The following C12orf42 variants were observed in gnomAD, a reference collection of about 807,000 sequenced individuals.
C12orf42 encodes uncharacterized protein C12orf42.
C12orf42 carries 25 observed loss-of-function variants against 21.6 expected under a neutral mutation model. The observed-to-expected ratio is 1.16, with a 90% confidence interval of 0.84 to 1.62. The LOEUF is 1.62. C12orf42 is among the 40% of genes most tolerant of loss of function. C12orf42 has a pLI of 0.00. For synonymous variants in C12orf42, 174 were observed against 175.0 expected, an observed-to-expected ratio of 0.99 and a Z score of 0.05; for missense variants, 483 against 459.3, an observed-to-expected ratio of 1.05 and a Z score of -0.47.
At chr12:103,378,314 T>G (rs2045882550) in intron 3 of C12orf42, among the ~76,000 whole-genome samples, 2 of 152,184 alleles carry the variant, frequency 1.3e-5, no homozygotes, top group African/African-American at 4.8e-5. Context: ...TTTGGATGAT[T>G]TTTTTTGTCC....
At chr12:103,440,641 C>A (rs944338688) in intron 2 of C12orf42, among the ~76,000 whole-genome samples, 2 of 151,768 alleles carry the variant, frequency 1.3e-5, no homozygotes, top group Non-Finnish European at 2.9e-5. Flanking sequence ...GCTTTTAGAC[C>A]CATTTTGCAG....
intron 1 of C12orf42, among the ~76,000 whole-genome samples, chr12:103,486,359 G>A (rs1445624294): frequency 2.6e-5 from 4 of 152,156 alleles, no homozygotes; most frequent in African/African-American, 9.7e-5. Context: ...TCGGTGTGCT[G>A]CTGGATTCGG....
the C12orf42 span, among the ~76,000 whole-genome samples, chr12:103,218,868 GC>G: frequency 6.6e-6 from 1 of 152,176 alleles, no homozygotes; most frequent in Non-Finnish European, 1.5e-5. Context: ...CTTATTAACT[GC>G]CATTTTACAT....
intron 2 of C12orf42, among the ~76,000 whole-genome samples, chr12:103,438,478 C>T (rs978657615): frequency 4.4e-4 from 67 of 152,096 alleles, no homozygotes; most frequent in Non-Finnish European, 7.8e-4. Context: ...TCCCTGTTTG[C>T]AGATGACATG....
the C12orf42 span, among the ~76,000 whole-genome samples, chr12:103,128,391 G>T: frequency 6.6e-6 from 1 of 152,212 alleles, no homozygotes; most frequent in Non-Finnish European, 1.5e-5. Context: ...TATGGGGGGA[G>T]GGGGAGCAAT....
chr12:103,226,929 T>C, the C12orf42 span, among the ~76,000 whole-genome samples: 12 of 152,300 alleles, frequency 7.9e-5, 1 homozygote, highest in East Asian at 2.3e-3. Context: ...CCTCAGACCA[T>C]TTGCCTATTT....
At chr12:103,328,139 G>A (rs1221525086) in intron 4 of C12orf42, among the ~76,000 whole-genome samples, 1 of 152,108 alleles carries the variant, frequency 6.6e-6, no homozygotes, top group African/African-American at 2.4e-5. Context: ...ATCATAACAT[G>A]TTAGCAATCT....
intron 2 of C12orf42, among the ~76,000 whole-genome samples, chr12:103,472,693 A>C (rs1435045311): frequency 6.6e-6 from 1 of 152,218 alleles, no homozygotes; most frequent in Non-Finnish European, 1.5e-5. Flanking sequence ...GTAGAACTAA[A>C]AGTGCACAAG....
chr12:103,449,128 T>TAAATAGATAGAC (rs1555203977), intron 2 of C12orf42, among the ~76,000 whole-genome samples: 1 of 148,612 alleles, frequency 6.7e-6, no homozygotes, highest in African/African-American at 2.5e-5. Context: ...GATAGATAGA[T>TAAATAGATAGAC]AGACAGACAC....
chr12:103,163,130 G>A, the C12orf42 span, among the ~76,000 whole-genome samples: 1 of 152,148 alleles, frequency 6.6e-6, no homozygotes, highest in Non-Finnish European at 1.5e-5. Context: ...GCAACTAGGG[G>A]AAGAATTTTA....
the C12orf42 span, among the ~76,000 whole-genome samples, chr12:103,107,856 GAAGA>G: frequency 6.6e-6 from 1 of 151,090 alleles, no homozygotes; most frequent in African/African-American, 2.4e-5. Context: ...AAAAAAGAGA[GAAGA>G]AAGAAATAGT....
the C12orf42 span, chr12:103,168,272 A>G: frequency 3.6e-6 from 1 of 278,926 alleles, no homozygotes; most frequent in Non-Finnish European, 7.2e-6. Flanking sequence ...TTTGTGAACT[A>G]TGGGAAATAT....
chr12:103,364,754 A>ACCC (rs2044443909), intron 4 of C12orf42, among the ~76,000 whole-genome samples: 1 of 152,046 alleles, frequency 6.6e-6, no homozygotes, highest in Non-Finnish European at 1.5e-5. Context: ...ACATTCCTAG[A>ACCC]AATACACAAC....
At chr12:103,220,053 C>T in the C12orf42 span, among the ~76,000 whole-genome samples, 1 of 152,144 alleles carries the variant, frequency 6.6e-6, no homozygotes, top group Admixed American at 6.6e-5. Flanking sequence ...AAATGTGGCA[C>T]ATATACATCA....
chr12:103,059,584 T>C, the C12orf42 span, among the ~76,000 whole-genome samples: 1 of 151,994 alleles, frequency 6.6e-6, no homozygotes, highest in African/African-American at 2.4e-5. Context: ...TTCAGGAAAA[T>C]ACTGGCAAAC....
At chr12:103,405,029 T>A (rs1256473520) in intron 2 of C12orf42, among the ~76,000 whole-genome samples, 1 of 152,216 alleles carries the variant, frequency 6.6e-6, no homozygotes, top group African/African-American at 2.4e-5. Flanking sequence ...TCCTTGTCAC[T>A]GACGATTTTG....
intron 3 of C12orf42, among the ~76,000 whole-genome samples, chr12:103,388,109 C>T (rs2046767021): frequency 6.6e-6 from 1 of 152,138 alleles, no homozygotes; most frequent in Admixed American, 6.5e-5. Context: ...AAGTGTGCAC[C>T]CTACTCTGCC....
the C12orf42 span, among the ~76,000 whole-genome samples, chr12:103,165,735 A>C: frequency 6.6e-6 from 1 of 152,282 alleles, no homozygotes; most frequent in Non-Finnish European, 1.5e-5. Context: ...TGAAGACATC[A>C]CAGTGCGCAT....
the C12orf42 span, among the ~76,000 whole-genome samples, chr12:103,205,707 A>C: frequency 6.6e-6 from 1 of 152,180 alleles, no homozygotes; most frequent in Non-Finnish European, 1.5e-5. Context: ...ATACAGCCAA[A>C]GGCAGGAAGC....
Sources: gnomAD v4.1 joint callset for allele counts (sites outside exome capture counted in the v4.1 genomes callset) on GRCh38, gnomAD v4.1.1 for gene constraint, MANE v1.5 for transcripts, NCBI Gene and HGNC (gene_info 2026-07-23, HGNC 2026-07-21) for gene names.